The following AMN1 variants were observed in gnomAD, a reference collection of about 807,000 sequenced individuals.
The protein encoded by AMN1 is protein AMN1 homolog.
A neutral mutation model predicts 33.0 loss-of-function variants in AMN1; 20 were observed. The ratio of observed to expected loss-of-function variants is 0.61; its 90% CI spans 0.43 to 0.88. AMN1 has a LOEUF of 0.88. AMN1 is among the 40% of genes least tolerant of loss of function. The pLI is 0.00. For synonymous variants in AMN1, 114 were observed against 111.9 expected, an observed-to-expected ratio of 1.02 and a Z score of -0.12; for missense variants, 246 against 307.4, an observed-to-expected ratio of 0.80 and a Z score of 1.49.
chr12:31,721,495 G>C (rs572600669), intron 1 of AMN1, among the ~76,000 whole-genome samples: 1 of 152,178 alleles, frequency 6.6e-6, no homozygotes, highest in African/African-American at 2.4e-5. Context: ...TCATAACTTG[G>C]GCACACATTA....
intron 1 of AMN1, among the ~76,000 whole-genome samples, chr12:31,713,778 G>C (rs1232751157): frequency 1.3e-5 from 2 of 152,104 alleles, no homozygotes; most frequent in Admixed American, 1.3e-4. Flanking sequence ...GAGTCCAGGA[G>C]GTGAGGCTGC....
chr12:31,684,419 A>C (rs985042139), intron 6 of AMN1, among the ~76,000 whole-genome samples: 20 of 152,300 alleles, frequency 1.3e-4, no homozygotes, highest in Admixed American at 3.9e-4. Flanking sequence ...TTTTAATAGA[A>C]ATTTTAATTT....
At position 31,687,606 on chromosome 12, in the gene AMN1, C is replaced by T. The variant is rs1295611305; in HGVS notation, c.703+1401G>A. ...GCTGAGGCAGGAGAATCACTTGAACCTGGAAGGCAGAGGTTGCAGTGAGCC... is the reference window on the plus strand; with the variant it reads ...GCTGAGGCAGGAGAATCACTTGAACTTGGAAGGCAGAGGTTGCAGTGAGCC... On this transcript the variant is annotated intron_variant, in intron 6 of 6. Transcript: ENST00000281471. This position sits in a 1 kb window ranked among gnomAD's most constrained non-coding sequence, Gnocchi z 4.1. Among the ~76,000 whole-genome samples, 1 of 151,724 alleles carries T rather than the reference C, an allele frequency of 6.6e-6. No individual in the cohort carries two copies. The highest frequency in any genetic ancestry group is 2.4e-5 in the African/African-American group (1 of 41,220).
At chr12:31,704,334 T>G (rs1244104580) in intron 2 of AMN1, among the ~76,000 whole-genome samples, 1 of 152,166 alleles carries the variant, frequency 6.6e-6, no homozygotes, top group Non-Finnish European at 1.5e-5. Flanking sequence ...TATTGGAGAT[T>G]TGTATTTTTT....
Position 31,697,955 on chromosome 12 carries a change from T to C in AMN1, c.319A>G (p.Ile107Val), listed in dbSNP as rs577680349. The change falls in exon 4 of 7, where the codon ATA becomes GTA. Residue 107 changes from isoleucine to valine, a missense_variant and splice_region_variant. Physicochemically the swap from Ile to Val is conservative, Grantham distance 29 (BLOSUM62 3). Transcript: ENST00000281471. ...GAACAAGATGAAGCCACAGCTTTTATTCCTGGGGGAAAATATAATTATATA... is the reference window on the plus strand; with the variant it reads ...GAACAAGATGAAGCCACAGCTTTTACTCCTGGGGGAAAATATAATTATATA... Reference protein sequence around the residue: ...GNRVSVTSEGIKAVASSCSYL... With the variant: ...GNRVSVTSEGVKAVASSCSYL... 1 of 1,613,754 alleles carries C rather than the reference T, an allele frequency of 6.2e-7. No individual in the cohort carries two copies. The highest frequency in any genetic ancestry group is 1.1e-5 in the South Asian group (1 of 91,078).
At chr12:31,697,694 T>G (rs777374003) in intron 4 of AMN1, 46 bp downstream of exon 4, 1 of 1,559,698 alleles carries the variant, frequency 6.4e-7, no homozygotes, top group East Asian at 2.2e-5. Flanking sequence ...GAAAATACAT[T>G]TGGTAAACAC....
intron 3 of AMN1, among the ~76,000 whole-genome samples, chr12:31,700,282 G>A (rs1429171797): frequency 6.6e-6 from 1 of 152,152 alleles, no homozygotes; most frequent in East Asian, 1.9e-4. Flanking sequence ...AGGATCGCTT[G>A]AGCCTGGGAG....
chr12:31,696,653 G>A (rs1938738976), intron 5 of AMN1, among the ~76,000 whole-genome samples: 1 of 152,046 alleles, frequency 6.6e-6, no homozygotes, highest in African/African-American at 2.4e-5. Flanking sequence ...TAGGCCGGGT[G>A]CAGTGGCTCA....
intron 3 of AMN1, among the ~76,000 whole-genome samples, chr12:31,698,265 T>A (rs1010905306): frequency 1.3e-5 from 2 of 152,238 alleles, no homozygotes; most frequent in African/African-American, 4.8e-5. Context: ...AGTGAAATAG[T>A]AGGCGATTCT....
intron 1 of AMN1, among the ~76,000 whole-genome samples, chr12:31,710,315 TTAAAGAAA>T (rs1297240959): frequency 6.6e-6 from 1 of 152,202 alleles, no homozygotes; most frequent in Non-Finnish European, 1.5e-5. Flanking sequence ...AACTCATACT[TTAAAGAAA>T]CAAATACAAA....
chr12:31,694,729 G>A (rs1264039890), intron 5 of AMN1, among the ~76,000 whole-genome samples: 2 of 152,118 alleles, frequency 1.3e-5, no homozygotes, highest in Admixed American at 6.6e-5. Context: ...CTGGGTGACA[G>A]AACAAGACCC....
chr12:31,709,416 C>T lies in AMN1; in HGVS notation c.48G>A (p.Trp16Ter). 6.2e-7 allele frequency: 1 copy of T among 1,612,144 alleles called. No homozygotes were observed. The highest frequency in any genetic ancestry group is 1.1e-5 in the South Asian group (1 of 90,960). The change falls in exon 2 of 7, where the codon TGG becomes TGA. Residue 16 changes from tryptophan to a stop codon, truncating the protein, a stop_gained. Coordinates refer to ENST00000281471, the MANE Select transcript of AMN1 (RefSeq NM_001113402.2). LOFTEE classifies it high-confidence loss of function. Reference sequence around the variant, plus strand: ...ATCTGGAAATATTCTTCATGAAGCACCAAAGGCATCTGAAATACAAATACA... The same window carrying T: ...ATCTGGAAATATTCTTCATGAAGCATCAAAGGCATCTGAAATACAAATACA... The part of the protein sequence containing the change: ...RVSQLLDLCL[W>*]CFMKNISRYL...
intron 2 of AMN1, 55 bp downstream of exon 2, chr12:31,709,238 C>T: frequency 6.3e-7 from 1 of 1,584,308 alleles, no homozygotes; most frequent in South Asian, 1.1e-5. Context: ...AAATCTAAAA[C>T]CATATCTAAA....
At chr12:31,680,262 G>A (rs1035250578) in intron 6 of AMN1, among the ~76,000 whole-genome samples, 16 of 151,698 alleles carry the variant, frequency 1.1e-4, no homozygotes, top group African/African-American at 3.9e-4. Flanking sequence ...GTGTAGTGGT[G>A]TGATCTTGGC....
intron 6 of AMN1, chr12:31,672,636 C>A: frequency 3.0e-6 from 1 of 330,760 alleles, no homozygotes; most frequent in Non-Finnish European, 5.6e-6. Context: ...TCTGTAATTT[C>A]ATCATAATTC....
intron 2 of AMN1, among the ~76,000 whole-genome samples, chr12:31,708,092 C>T (rs918068072): frequency 6.6e-6 from 1 of 152,122 alleles, no homozygotes; most frequent in African/African-American, 2.4e-5. Context: ...AACAGAATAA[C>T]AGCAATTTTA....
At chr12:31,682,864 T>C (rs1468198831) in intron 6 of AMN1, among the ~76,000 whole-genome samples, 1 of 152,174 alleles carries the variant, frequency 6.6e-6, no homozygotes, top group Non-Finnish European at 1.5e-5. Flanking sequence ...AATATTTTTA[T>C]TCCAAATATT....
chr12:31,714,074 G>T (rs1476794980), intron 1 of AMN1, among the ~76,000 whole-genome samples: 1 of 152,002 alleles, frequency 6.6e-6, no homozygotes, highest in Non-Finnish European at 1.5e-5. Context: ...CACAGGAGTT[G>T]CTACAGCAGC....
rs1411620356 is a variant in AMN1, at chr12:31,697,747, G to T, written c.527C>A (p.Ala176Asp). 1 of 1,613,762 alleles carries T rather than the reference G, an allele frequency of 6.2e-7. No individual in the cohort carries two copies. The highest frequency in any genetic ancestry group is 1.1e-5 in the South Asian group (1 of 91,074). Residue 176 changes from alanine (A) to aspartate (D), a missense_variant, in exon 4 of 7, where the codon GCT becomes GAT. Ala to Asp is a moderately radical substitution (Grantham distance 126). Coordinates refer to ENST00000281471, the MANE Select transcript of AMN1 (RefSeq NM_001113402.2). Reference sequence around the variant, plus strand: ...AGCCTATATGTCATTTACCTGAGTAGCTGAAAAGTCGACACACTGCAAAAA... The same window carrying T: ...AGCCTATATGTCATTTACCTGAGTATCTGAAAAGTCGACACACTGCAAAAA... ...CPFLQCVDFS[A>D]TQVSDSGVIA... is the part of the protein sequence containing the mutation.
Sources: gnomAD v4.1 joint callset for allele counts (sites outside exome capture counted in the v4.1 genomes callset) on GRCh38, gnomAD v4.1.1 for gene constraint, Gnocchi (gnomAD v3.1) non-coding constraint, MANE v1.5 for transcripts, NCBI Gene and HGNC (gene_info 2026-07-23, HGNC 2026-07-21) for gene names.